DLGAP2: variants seen among roughly 807,000 people sequenced by gnomAD.
DLGAP2 encodes the protein DLG associated protein 2, also known as disks large-associated protein 2.
Under a neutral mutation model 100.3 loss-of-function variants are expected in DLGAP2, and 26 were observed. That is an observed-to-expected ratio of 0.26 (90% CI 0.19 to 0.36). DLGAP2 has a LOEUF of 0.36. Among genes scored for constraint, DLGAP2 ranks in the 10% least tolerant of loss-of-function variants. The pLI is 1.00. For missense variants in DLGAP2, 1,858 were observed against 1,453.2 expected, an observed-to-expected ratio of 1.28 and a Z score of -4.53; for synonymous variants, 886 against 630.1, an observed-to-expected ratio of 1.41 and a Z score of -6.08.
chr8:1,442,491 G>A (rs1472016690), intron 3 of DLGAP2, among the ~76,000 whole-genome samples: 103 of 139,242 alleles, frequency 7.4e-4, no homozygotes, highest in African/African-American at 2.6e-3. Context: ...CAGCCACTGG[G>A]GGAGACGGAT....
intron 2 of DLGAP2, among the ~76,000 whole-genome samples, chr8:1,053,191 G>A (rs1193925389): frequency 6.6e-6 from 1 of 152,198 alleles, no homozygotes; most frequent in African/African-American, 2.4e-5. Flanking sequence ...GCGCGGATGT[G>A]GTGGAGTCGC....
intron 1 of DLGAP2, among the ~76,000 whole-genome samples, chr8:811,452 C>G (rs889872391): frequency 6.8e-6 from 1 of 146,456 alleles, no homozygotes; most frequent in Non-Finnish European, 1.5e-5. Context: ...CTCCCATCAA[C>G]CTTGGAATGA....
intron 2 of DLGAP2, among the ~76,000 whole-genome samples, chr8:936,125 G>A (rs1311714987): frequency 1.3e-5 from 2 of 152,134 alleles, no homozygotes; most frequent in African/African-American, 2.4e-5. Flanking sequence ...AGAACACTGT[G>A]TACCGTGTGT....
intron 2 of DLGAP2, among the ~76,000 whole-genome samples, chr8:1,139,913 C>T (rs1406260134): frequency 1.3e-5 from 2 of 152,116 alleles, no homozygotes; most frequent in African/African-American, 4.8e-5. Flanking sequence ...AGGGGATTTC[C>T]CTGAGGTCAC....
intron 2 of DLGAP2, among the ~76,000 whole-genome samples, chr8:1,061,182 G>T (rs1803070622): frequency 6.6e-6 from 1 of 152,144 alleles, no homozygotes; most frequent in South Asian, 2.1e-4. Context: ...CCTTGTTCGT[G>T]GTGAGCCATT....
At position 1,633,001 on chromosome 8, in the gene DLGAP2, A is replaced by T. The variant is rs757858602; in HGVS notation, c.1765A>T (p.Met589Leu). ...CTCCCAAGATGACGAATGTATTCCC[A>T]TGATGACACCCTCTGACATCACCTC... ...GYSQDDECIP[M>L]MTPSDITSTI... The change falls in exon 8 of 15, where the codon ATG (methionine) becomes TTG (leucine). Residue 589 changes from methionine (M) to leucine (L), a missense_variant. Met to Leu is a conservative substitution (Grantham distance 15). Coordinates refer to ENST00000637795, the MANE Select transcript of DLGAP2 (RefSeq NM_001346810.2). 1.9e-6 allele frequency: 3 copies of T among 1,614,004 alleles called. No homozygotes were observed. In the South Asian group the frequency reaches 3.3e-5, roughly 18 times the overall value.
intron 3 of DLGAP2, among the ~76,000 whole-genome samples, chr8:1,373,133 C>A (rs1162328703): frequency 6.6e-6 from 1 of 152,098 alleles, no homozygotes; most frequent in Non-Finnish European, 1.5e-5. Flanking sequence ...GCATGTGGGG[C>A]GGGGGCGTCT....
chr8:1,274,322 C>A (rs939964917), intron 3 of DLGAP2, among the ~76,000 whole-genome samples: 1 of 152,156 alleles, frequency 6.6e-6, no homozygotes, highest in Admixed American at 6.5e-5. Flanking sequence ...CCCACACAGA[C>A]TCTCATGTGA....
At chr8:1,605,956 A>C (rs1563252106) in intron 6 of DLGAP2, among the ~76,000 whole-genome samples, 1 of 152,230 alleles carries the variant, frequency 6.6e-6, no homozygotes, top group South Asian at 2.1e-4. Flanking sequence ...CTGAGTGAAG[A>C]CTTTCTCTTC....
chr8:979,121 C>G (rs149289072), intron 2 of DLGAP2, among the ~76,000 whole-genome samples: 2 of 152,298 alleles, frequency 1.3e-5, no homozygotes, highest in African/African-American at 4.8e-5. Context: ...ATGGCGAGTG[C>G]AGTTCTTGAA....
intron 2 of DLGAP2, among the ~76,000 whole-genome samples, chr8:1,240,383 G>A (rs368291984): frequency 7.0e-6 from 1 of 142,148 alleles, no homozygotes; most frequent in South Asian, 2.3e-4. Context: ...ATCGTGTCTG[G>A]TTCTCTCACA....
intron 2 of DLGAP2, among the ~76,000 whole-genome samples, chr8:977,887 C>T (rs867186973): frequency 2.8e-5 from 1 of 35,722 alleles, no homozygotes; most frequent in African/African-American, 8.6e-5. Flanking sequence ...GTGGGGAGGG[C>T]GTCGGGGATG....
chr8:1,220,853 A>T (rs970189915), intron 2 of DLGAP2, among the ~76,000 whole-genome samples: 1 of 148,852 alleles, frequency 6.7e-6, no homozygotes, highest in Non-Finnish European at 1.5e-5. Context: ...ATCATTATGT[A>T]ATGCCTTTTT....
At chr8:1,486,488 T>G (rs1399738329) in intron 3 of DLGAP2, among the ~76,000 whole-genome samples, 7 of 152,066 alleles carry the variant, frequency 4.6e-5, no homozygotes, top group Non-Finnish European at 8.8e-5. Context: ...GTAGTTTGCC[T>G]TGGAGAGGGG....
Position 1,247,274 on chromosome 8 carries a change from A to G in DLGAP2, c.74-11577A>G, listed in dbSNP as rs1181062398. ...CCTTTGAGATCAGTGTGGGAGTGAG[A>G]TGGTCCACATCGGTGGCTGGGAAGA... On this transcript the variant is annotated intron_variant, in intron 2 of 14. Coordinates refer to ENST00000637795, the MANE Select transcript of DLGAP2 (RefSeq NM_001346810.2). Among the ~76,000 whole-genome samples, 11 of 93,368 alleles carry G rather than the reference A, an allele frequency of 1.2e-4. No homozygotes were observed. In the East Asian group the frequency reaches 3.1e-3, roughly 27 times the overall value. The allele number at this position is 93,368 out of a possible 152,430, so 61.3% of individuals were successfully genotyped here.
chr8:1,523,538 G>C (rs1399781189), intron 4 of DLGAP2, among the ~76,000 whole-genome samples: 1 of 152,220 alleles, frequency 6.6e-6, no homozygotes, highest in Non-Finnish European at 1.5e-5. Flanking sequence ...CCCTGCCCCA[G>C]GCCGGCACCG....
chr8:845,960 A>G lies in DLGAP2; in HGVS notation c.19-61952A>G, dbSNP rs141006487. On this transcript the variant is annotated intron_variant, in intron 1 of 14. Transcript: ENST00000637795. Reference sequence around the variant, plus strand: ...GTCTTGGCACCCTTGTCAAAAATCAATTGTCCAGAGACGTATGAGTTTCTT... The same window carrying G: ...GTCTTGGCACCCTTGTCAAAAATCAGTTGTCCAGAGACGTATGAGTTTCTT... 8.4e-3 allele frequency among the ~76,000 whole-genome samples: 1,282 copies of G among 152,340 alleles called. 13 individuals carry two copies. Among genetic ancestry groups the G allele is most frequent in the Admixed American group, 0.018 (276 of 15,300 alleles).
chr8:1,148,094 G>T (rs1195024239), intron 2 of DLGAP2, among the ~76,000 whole-genome samples: 8 of 152,238 alleles, frequency 5.3e-5, no homozygotes, highest in African/African-American at 1.7e-4. Flanking sequence ...ATCTACTTCT[G>T]GTGGTTCTCT....
chr8:1,210,470 G>C (rs952740055), intron 2 of DLGAP2, among the ~76,000 whole-genome samples: 3 of 152,228 alleles, frequency 2.0e-5, no homozygotes, highest in Admixed American at 2.0e-4. Context: ...GTGGGGGGAA[G>C]GAGAGGGGCT....
Sources: gnomAD v4.1 joint callset for allele counts (sites outside exome capture counted in the v4.1 genomes callset) on GRCh38, gnomAD v4.1.1 for gene constraint, MANE v1.5 for transcripts, NCBI Gene and HGNC (gene_info 2026-07-23, HGNC 2026-07-21) for gene names.